SUPT3H: variants seen among roughly 807,000 people sequenced by gnomAD.
The protein encoded by SUPT3H is transcription initiation protein SPT3 homolog.
SUPT3H carries 44 observed loss-of-function variants against 44.3 expected under a neutral mutation model. The ratio of observed to expected loss-of-function variants is 0.99; its 90% confidence interval spans 0.78 to 1.28. SUPT3H has a LOEUF of 1.28. SUPT3H is among the 50% of genes most tolerant of loss of function. SUPT3H has a pLI of 0.00. For missense variants in SUPT3H, 380 were observed against 387.1 expected (o/e 0.98, Z 0.15); for synonymous variants, 124 against 125.6 (o/e 0.99, Z 0.09).
chr6:45,213,331 T>C (rs1389338578), intron 2 of SUPT3H, among the ~76,000 whole-genome samples: 1 of 152,166 alleles, frequency 6.6e-6, no homozygotes, highest in Admixed American at 6.5e-5. Flanking sequence ...TTAATGTCTT[T>C]AGCATATAAC....
intron 11 of SUPT3H, among the ~76,000 whole-genome samples, chr6:44,811,667 C>G (rs1311956192): frequency 6.6e-6 from 1 of 152,234 alleles, no homozygotes; most frequent in Non-Finnish European, 1.5e-5. Flanking sequence ...TTCTTCTACT[C>G]CACATTCAGT....
intron 2 of SUPT3H, among the ~76,000 whole-genome samples, chr6:45,271,287 G>A (rs115470246): frequency 0.018 from 2,667 of 152,230 alleles, 50 homozygotes; most frequent in South Asian, 0.084. Context: ...AGGCCTTCAC[G>A]GAATCCCCTG....
chr6:45,039,119 T>C (rs546993754), intron 3 of SUPT3H, among the ~76,000 whole-genome samples: 1 of 151,992 alleles, frequency 6.6e-6, no homozygotes, highest in Non-Finnish European at 1.5e-5. Flanking sequence ...AGAAAAAAAA[T>C]AAACAAATCT....
intron 2 of SUPT3H, among the ~76,000 whole-genome samples, chr6:45,190,286 A>T (rs1000277740): frequency 2.6e-5 from 4 of 152,180 alleles, no homozygotes; most frequent in African/African-American, 9.6e-5. Flanking sequence ...AATTCCATGA[A>T]ATACAGTTTG....
chr6:44,855,173 T>C (rs748228330), intron 10 of SUPT3H, among the ~76,000 whole-genome samples: 2 of 152,330 alleles, frequency 1.3e-5, no homozygotes, highest in East Asian at 1.9e-4. Flanking sequence ...GAGAGGGTCA[T>C]ATAATACCAC....
At chr6:45,089,636 T>C (rs1796894350) in intron 3 of SUPT3H, among the ~76,000 whole-genome samples, 1 of 151,748 alleles carries the variant, frequency 6.6e-6, no homozygotes, top group Admixed American at 6.6e-5. Context: ...TTAACCTTCC[T>C]GGCCCTGAAT....
intron 2 of SUPT3H, among the ~76,000 whole-genome samples, chr6:45,282,916 G>A (rs530709522): frequency 6.6e-6 from 1 of 152,230 alleles, no homozygotes; most frequent in African/African-American, 2.4e-5. Flanking sequence ...CCAGAAGAGA[G>A]TGGGGGCCAA....
intron 2 of SUPT3H, among the ~76,000 whole-genome samples, chr6:45,195,083 AATG>A (rs1584182778): frequency 3.6e-5 from 2 of 55,314 alleles, no homozygotes; most frequent in South Asian, 1.6e-3. Context: ...AATAAAAAAC[AATG>A]AATTGGCACA....
Position 45,036,092 on chromosome 6 carries a change from C to T in SUPT3H, c.187-15460G>A, listed in dbSNP as rs142351040. On this transcript the variant is annotated intron_variant, in intron 3 of 10. Coordinates refer to ENST00000371459, the MANE Select transcript of SUPT3H (RefSeq NM_003599.4). Reference sequence around the variant, plus strand: ...AACAGAATTCTCAATGGTAGGGACACAGCATTGAATAAAAACAGATAACGC... The same window carrying T: ...AACAGAATTCTCAATGGTAGGGACATAGCATTGAATAAAAACAGATAACGC... Among the ~76,000 whole-genome samples the T allele has an allele frequency of 4.4e-3, 677 of 152,248 alleles. 3 individuals are homozygous for T. Among genetic ancestry groups the T allele is most frequent in the Non-Finnish European group, 7.1e-3 (486 of 68,010 alleles).
At chr6:45,070,118 T>C (rs1177772727) in intron 3 of SUPT3H, among the ~76,000 whole-genome samples, 1 of 152,058 alleles carries the variant, frequency 6.6e-6, no homozygotes, top group Non-Finnish European at 1.5e-5. Context: ...TAGAAGAAAA[T>C]CTGCATGTTT....
intron 2 of SUPT3H, among the ~76,000 whole-genome samples, chr6:45,127,133 G>A (rs544871282): frequency 2.0e-5 from 3 of 152,136 alleles, no homozygotes; most frequent in Non-Finnish European, 4.4e-5. Context: ...GACCAACATG[G>A]TGAAACCCCG....
At chr6:45,286,194 T>C (rs995754987) in intron 2 of SUPT3H, among the ~76,000 whole-genome samples, 22 of 151,606 alleles carry the variant, frequency 1.5e-4, no homozygotes, top group Non-Finnish European at 2.7e-4. Flanking sequence ...GGGCCAGGAC[T>C]TCATGTCTAA....
intron 10 of SUPT3H, among the ~76,000 whole-genome samples, chr6:44,879,969 G>A (rs186908060): frequency 7.0e-4 from 106 of 152,250 alleles, no homozygotes; most frequent in African/African-American, 2.5e-3. Flanking sequence ...ACGAAGATGA[G>A]AAAAAAGTAG....
At chr6:44,956,972 C>T (rs538881437) in intron 7 of SUPT3H, among the ~76,000 whole-genome samples, 1 of 152,252 alleles carries the variant, frequency 6.6e-6, no homozygotes, top group African/African-American at 2.4e-5. Context: ...GAACCAAGCG[C>T]GTATGTAACC....
At chr6:45,037,978 T>C (rs149078117) in intron 3 of SUPT3H, among the ~76,000 whole-genome samples, 78 of 152,272 alleles carry the variant, frequency 5.1e-4, no homozygotes, top group Non-Finnish European at 1.0e-3. Context: ...GTTTAAAGGA[T>C]AGGTTTAATC....
chr6:44,963,524 G>A (rs895024603), intron 6 of SUPT3H, among the ~76,000 whole-genome samples: 2 of 151,960 alleles, frequency 1.3e-5, no homozygotes, highest in Non-Finnish European at 2.9e-5. Flanking sequence ...ACACAACCAC[G>A]TCTCCTTAAG....
intron 10 of SUPT3H, among the ~76,000 whole-genome samples, chr6:44,917,128 T>C (rs1432307319): frequency 2.6e-5 from 4 of 151,962 alleles, no homozygotes; most frequent in African/African-American, 7.3e-5. Flanking sequence ...CATTCCAGCC[T>C]GGGTAACAGA....
At chr6:44,834,344 T>C (rs1769418583) in intron 10 of SUPT3H, among the ~76,000 whole-genome samples, 1 of 152,208 alleles carries the variant, frequency 6.6e-6, no homozygotes, top group Admixed American at 6.5e-5. Flanking sequence ...AGTTTTCAGA[T>C]TGTGGCTTTT....
chr6:44,924,989 A>C (rs1437166456), intron 10 of SUPT3H, among the ~76,000 whole-genome samples: 1 of 152,216 alleles, frequency 6.6e-6, no homozygotes, highest in Non-Finnish European at 1.5e-5. Context: ...CATGACATAA[A>C]TATTTGCAAA....
Sources: allele counts gnomAD v4.1 joint callset (sites outside exome capture counted in the v4.1 genomes callset), GRCh38; gene constraint gnomAD v4.1.1; transcripts MANE v1.5; gene names NCBI Gene and HGNC (gene_info 2026-07-23, HGNC 2026-07-21).